HEMK2: variants seen among roughly 807,000 people sequenced by gnomAD.
HEMK2 encodes the protein methyltransferase HEMK2.
the HEMK2 span, among the ~76,000 whole-genome samples, chr21:28,652,467 CCTT>C: frequency 6.6e-6 from 1 of 151,950 alleles, no homozygotes; most frequent in African/African-American, 2.4e-5. Context: ...TCCCTCCCTT[CCTT>C]CTTTTCTGTC....
At chr21:28,598,115 C>T in the HEMK2 span, among the ~76,000 whole-genome samples, 1 of 152,272 alleles carries the variant, frequency 6.6e-6, no homozygotes, top group South Asian at 2.1e-4. Context: ...AGTGTTCACT[C>T]AACAGGCCTG....
At chr21:28,701,347 G>A in the HEMK2 span, among the ~76,000 whole-genome samples, 1 of 152,178 alleles carries the variant, frequency 6.6e-6, no homozygotes, top group East Asian at 1.9e-4. Context: ...AGGAGAAGAA[G>A]TCAAACTATC....
the HEMK2 span, among the ~76,000 whole-genome samples, chr21:28,649,221 C>T: frequency 1.3e-5 from 2 of 152,064 alleles, no homozygotes; most frequent in African/African-American, 4.8e-5. Context: ...CCCCTCTCCC[C>T]TTAAAGTCAT....
the HEMK2 span, among the ~76,000 whole-genome samples, chr21:28,833,506 T>A: frequency 6.6e-6 from 1 of 152,246 alleles, no homozygotes; most frequent in Non-Finnish European, 1.5e-5. Flanking sequence ...AGACCAAGAA[T>A]GACTTACCAG....
chr21:28,864,816 CAGACAGAT>C, the HEMK2 span, among the ~76,000 whole-genome samples: 25 of 117,728 alleles, frequency 2.1e-4, no homozygotes, highest in Admixed American at 6.3e-4. Context: ...GAAAGACAGA[CAGACAGAT>C]AGATAGATAG....
At chr21:28,803,280 C>T in the HEMK2 span, among the ~76,000 whole-genome samples, 5 of 152,322 alleles carry the variant, frequency 3.3e-5, no homozygotes, top group African/African-American at 1.2e-4. Context: ...AAGGGATTAA[C>T]ATACACATCC....
At chr21:28,798,665 C>T in the HEMK2 span, among the ~76,000 whole-genome samples, 13 of 152,148 alleles carry the variant, frequency 8.5e-5, no homozygotes, top group South Asian at 1.3e-3. Context: ...AATGGTAGCA[C>T]CAGAGCTGTC....
chr21:28,799,994 C>A, the HEMK2 span, among the ~76,000 whole-genome samples: 1 of 152,186 alleles, frequency 6.6e-6, no homozygotes, highest in African/African-American at 2.4e-5. Flanking sequence ...ACACTCAAGT[C>A]TGGCAGTATA....
At chr21:28,735,990 C>G in the HEMK2 span, among the ~76,000 whole-genome samples, 1 of 152,180 alleles carries the variant, frequency 6.6e-6, no homozygotes, top group East Asian at 1.9e-4. Flanking sequence ...ATACTAAAAA[C>G]TAAAGCAGAT....
chr21:28,751,964 T>G, the HEMK2 span, among the ~76,000 whole-genome samples: 1 of 149,592 alleles, frequency 6.7e-6, no homozygotes, highest in Non-Finnish European at 1.5e-5. Context: ...CCAAGATTTA[T>G]TTTTAAGAAA....
chr21:28,791,694 C>T, the HEMK2 span, among the ~76,000 whole-genome samples: 1 of 152,080 alleles, frequency 6.6e-6, no homozygotes, highest in Non-Finnish European at 1.5e-5. Context: ...TTTATTTGTG[C>T]CTGGGTTGAC....
chr21:28,682,699 A>G, the HEMK2 span, among the ~76,000 whole-genome samples: 2 of 152,180 alleles, frequency 1.3e-5, no homozygotes, highest in Non-Finnish European at 2.9e-5. Flanking sequence ...TGGCACATAT[A>G]CACCATGGAA....
At chr21:28,747,300 C>T in the HEMK2 span, among the ~76,000 whole-genome samples, 29,472 of 152,158 alleles carry the variant, frequency 0.19, 3,570 homozygotes, top group African/African-American at 0.34. Context: ...TGTTTGACCG[C>T]AGTCCAGCTA....
At chr21:28,714,397 C>T in the HEMK2 span, among the ~76,000 whole-genome samples, 1 of 152,116 alleles carries the variant, frequency 6.6e-6, no homozygotes, top group Non-Finnish European at 1.5e-5. Flanking sequence ...CTCAAAATAT[C>T]ACTATCTTCC....
chr21:28,851,362 C>T, the HEMK2 span, among the ~76,000 whole-genome samples: 2 of 152,116 alleles, frequency 1.3e-5, no homozygotes, highest in Admixed American at 1.3e-4. Context: ...GTTGCAGAAC[C>T]TTCTCTTGTT....
At chr21:28,764,738 G>T in the HEMK2 span, among the ~76,000 whole-genome samples, 8 of 152,098 alleles carry the variant, frequency 5.3e-5, no homozygotes, top group African/African-American at 1.9e-4. Flanking sequence ...AAGAGAGGGA[G>T]ACAGGCTCAA....
the HEMK2 span, among the ~76,000 whole-genome samples, chr21:28,829,777 A>T: frequency 6.6e-6 from 1 of 152,252 alleles, no homozygotes; most frequent in Non-Finnish European, 1.5e-5. Flanking sequence ...TTACAAGAAC[A>T]TACACTCTGT....
the HEMK2 span, among the ~76,000 whole-genome samples, chr21:28,797,406 G>A: frequency 6.6e-6 from 1 of 151,476 alleles, no homozygotes; most frequent in Non-Finnish European, 1.5e-5. Context: ...GCCCATCCAA[G>A]GCAACATGGT....
the HEMK2 span, among the ~76,000 whole-genome samples, chr21:28,600,036 T>C: frequency 2.6e-5 from 4 of 152,216 alleles, no homozygotes; most frequent in Admixed American, 6.5e-5. Context: ...TTTCACAGAC[T>C]GACATTGAGT....
Sources: allele counts gnomAD v4.1 joint callset (sites outside exome capture counted in the v4.1 genomes callset), GRCh38; gene constraint gnomAD v4.1.1; transcripts MANE v1.5; gene names NCBI Gene and HGNC (gene_info 2026-07-23, HGNC 2026-07-21).